Variants in KIF1A observed in about 807,000 individuals in gnomAD.
KIF1A encodes kinesin-like protein KIF1A.
In KIF1A, 46 loss-of-function variants were observed where a neutral mutation model predicts 227.3. That is an observed-to-expected ratio of 0.20 (90% CI 0.16 to 0.26). The LOEUF (loss-of-function observed/expected upper bound fraction) is 0.26. Among genes scored for constraint, KIF1A ranks in the 10% least tolerant of loss-of-function variants. The pLI, the probability that KIF1A is intolerant of heterozygous loss-of-function variation, is 1.00. For synonymous variants in KIF1A, 1,022 were observed against 1,012.8 expected, an observed-to-expected ratio of 1.01 and a Z score of -0.17; for missense variants, 1,683 against 2,485.9, an observed-to-expected ratio of 0.68 and a Z score of 6.87.
intron 38 of KIF1A, among the ~76,000 whole-genome samples, chr2:240,727,207 C>T (rs558778682): frequency 5.9e-4 from 90 of 152,152 alleles, no homozygotes; most frequent in Non-Finnish European, 1.1e-3. Flanking sequence ...AGCTGTCACG[C>T]TGAGGCTGGA....
At chr2:240,801,906 C>T (rs2057005604) in intron 1 of KIF1A, among the ~76,000 whole-genome samples, 1 of 152,066 alleles carries the variant, frequency 6.6e-6, no homozygotes. Context: ...CTGGAATGGA[C>T]CAAAACAGGG....
chr2:240,726,772 C>T lies in KIF1A; in HGVS notation c.4122+54G>A. 9.0e-7 allele frequency: 1 copy of T among 1,110,420 alleles called. No individual in the cohort carries two copies. Among genetic ancestry groups the T allele is most frequent in the Admixed American group, 1.9e-5 (1 of 51,486 alleles). The allele number at this position is 1,110,420 out of a possible 1,614,324, so 68.8% of individuals were successfully genotyped here. A position where few individuals can be genotyped will look rare whatever the true frequency, so the allele number is the denominator to read the frequency against. On this transcript the variant is annotated intron_variant, in intron 39 of 48. Coordinates refer to ENST00000498729, the MANE Select transcript of KIF1A (RefSeq NM_001244008.2). The surrounding 1 kb of genome is among the most constrained non-coding windows in gnomAD (Gnocchi z 5.2). The stretch of plus-strand genomic sequence containing the variant: ...GGTTGTCCAGAGCTTACAAGAACCT[C>T]AAGCTTCAGGGGCTGAGTGGTTTTG...
chr2:240,803,972 A>G (rs1334167086), intron 1 of KIF1A, among the ~76,000 whole-genome samples: 1 of 152,252 alleles, frequency 6.6e-6, no homozygotes, highest in East Asian at 1.9e-4. Flanking sequence ...ATTAAAATTA[A>G]TATTTCCTGC....
chr2:240,718,284 A>T (rs1391373891), intron 47 of KIF1A, 116 bp from the exon 48 acceptor site: 21 of 759,798 alleles, frequency 2.8e-5, no homozygotes, highest in Non-Finnish European at 3.0e-5. Context: ...AGTCCCAGGG[A>T]GGGGACACGG....
At chr2:240,754,291 C>T (rs2049572444) in intron 27 of KIF1A, among the ~76,000 whole-genome samples, 2 of 152,238 alleles carry the variant, frequency 1.3e-5, no homozygotes, top group Admixed American at 1.3e-4. Flanking sequence ...CCTCATGGCA[C>T]TGACCTCGGG....
chr2:240,742,168 G>A (rs2048053130), intron 34 of KIF1A, among the ~76,000 whole-genome samples: 7 of 152,192 alleles, frequency 4.6e-5, no homozygotes, highest in Admixed American at 4.6e-4. Context: ...GGGTTCCGAG[G>A]ACAGGGTCCT....
chr2:240,757,417 C>A lies in KIF1A; in HGVS notation c.2760G>T (p.Glu920Asp), dbSNP rs567456747. Residue 920 changes from glutamate to aspartate, a missense_variant, in exon 27 of 49, where the codon GAG (glutamate) becomes GAT (aspartate). By Grantham distance (45) the Glu-to-Asp change is conservative (BLOSUM62 2). This residue lies in a region of KIF1A where 759 missense variants were observed against 1,020.2 expected (regional missense o/e 0.74). Transcript: ENST00000498729. The surrounding 1 kb of genome is among the most constrained non-coding windows in gnomAD (Gnocchi z 6.2). ...AGACGTCGTCCTCCAGGTCCTCCTC[C>A]TCCTCATCCTCCTCCTCCTCCTCCT... ...EEEEEEEEDE[E>D]EEDLEDDVFP... 3.3e-6 allele frequency: 5 copies of A among 1,521,090 alleles called. No individual in the cohort carries two copies. The South Asian group carries it at 3.6e-5, about 11-fold the overall frequency. The allele number at this position is 1,521,090 out of a possible 1,614,324, so 94.2% of individuals were successfully genotyped here.
chr2:240,795,601 C>T (rs1460087770), intron 2 of KIF1A, among the ~76,000 whole-genome samples: 2 of 152,220 alleles, frequency 1.3e-5, no homozygotes, highest in Admixed American at 1.3e-4. Context: ...GTGTCGAGGT[C>T]TTGGCAACGC....
At chr2:240,762,938 G>T in intron 22 of KIF1A, 81 bp downstream of exon 22, 1 of 1,370,376 alleles carries the variant, frequency 7.3e-7, no homozygotes, top group Non-Finnish European at 9.8e-7. Flanking sequence ...AGGCAAGCAG[G>T]GAGGAGTGGG....
In KIF1A at chr2:240,797,803, G is replaced by A. The variant is rs2056569515; in HGVS notation, c.-51C>T. On this transcript the variant is annotated 5_prime_UTR_variant, in exon 2 of 49. Transcript: ENST00000498729. ...TCGCAGTAGTGGGAGCCCCAGTGTG[G>A]GGGGAACACCTTGGAAAAAAGGGAA... is the stretch of plus-strand genomic sequence containing the variant. 1.7e-6 allele frequency: 2 copies of A among 1,165,678 alleles called. No homozygotes were observed. Among genetic ancestry groups the A allele is most frequent in the African/African-American group, 3.0e-5 (2 of 66,076 alleles). 72.2% of individuals were successfully genotyped at this position (1,165,678 alleles called of 1,614,324 possible).
chr2:240,721,519 C>G (rs2045383743), intron 44 of KIF1A, among the ~76,000 whole-genome samples: 1 of 152,168 alleles, frequency 6.6e-6, no homozygotes, highest in Non-Finnish European at 1.5e-5. Context: ...AGGGTGATGG[C>G]CAGACAGGGT....
Position 240,788,430 on chromosome 2 carries a change from A to G in KIF1A, c.184-200T>C, listed in dbSNP as rs2055220403. ...AAGCCCTCTGTGTCACAGATGCGGG[A>G]TGAAGAGCGGCCAGCCAGGCAGGAG... On this transcript the variant is annotated intron_variant, in intron 3 of 48. Coordinates refer to ENST00000498729, the MANE Select transcript of KIF1A (RefSeq NM_001244008.2). This position sits in a 1 kb window ranked among gnomAD's most constrained non-coding sequence, Gnocchi z 6.6. Among the ~76,000 whole-genome samples, 1 of 152,094 alleles carries G rather than the reference A, an allele frequency of 6.6e-6. No homozygotes were observed. Among genetic ancestry groups the G allele is most frequent in the African/African-American group, 2.4e-5 (1 of 41,408 alleles).
chr2:240,765,463 C>T (rs1046845523), intron 20 of KIF1A, among the ~76,000 whole-genome samples: 2 of 152,252 alleles, frequency 1.3e-5, no homozygotes, highest in Non-Finnish European at 2.9e-5. Context: ...GCCCACAGCA[C>T]GGACTCAGTG....
chr2:240,729,604 A>G (rs891896353), intron 38 of KIF1A, among the ~76,000 whole-genome samples: 1 of 152,224 alleles, frequency 6.6e-6, no homozygotes, highest in East Asian at 1.9e-4. Flanking sequence ...TGCTGGAGCC[A>G]GGCCTGGAGC....
At position 240,741,458 on chromosome 2, in the gene KIF1A, C is replaced by T. The variant is rs571622491; in HGVS notation, c.3641-81G>A. The T allele has an allele frequency of 6.5e-4, 743 of 1,140,126 alleles. 1 individual carries two copies. The highest frequency in any genetic ancestry group is 1.3e-3 in the Admixed American group (46 of 36,588). 70.6% of individuals were successfully genotyped at this position (1,140,126 alleles called of 1,614,324 possible). A position where few individuals can be genotyped will look rare whatever the true frequency, so the allele number is the denominator to read the frequency against. Reference sequence around the variant, plus strand: ...AAGGGCACACTCAAGGAGGAGATGCCGGGGCCAAAGGGACTCAGAGGCAGC... The same window carrying T: ...AAGGGCACACTCAAGGAGGAGATGCTGGGGCCAAAGGGACTCAGAGGCAGC... On this transcript the variant is annotated intron_variant, in intron 34 of 48. Coordinates refer to ENST00000498729, the MANE Select transcript of KIF1A (RefSeq NM_001244008.2).
intron 1 of KIF1A, among the ~76,000 whole-genome samples, chr2:240,807,104 GTGTGTGTGTGTGTGTGTGTGTGTGTGTA>G (rs1559545262): frequency 9.9e-6 from 1 of 101,506 alleles, no homozygotes; most frequent in Non-Finnish European, 2.0e-5. Context: ...GTGTGTGTGT[GTGTGTGTGTGTGTGTGTGTGTGTGTGTA>G]TATATATATA....
In KIF1A at chr2:240,722,361, C is replaced by T. The variant is rs551951066; in HGVS notation, c.4665+95G>A. 3.9e-5 allele frequency: 48 copies of T among 1,239,624 alleles called. No individual in the cohort carries two copies. In the African/African-American group the frequency reaches 6.6e-4, roughly 17 times the overall value. The allele number at this position is 1,239,624 out of a possible 1,614,324, so 76.8% of individuals were successfully genotyped here. Reference sequence around the variant, plus strand: ...TCCTGGTGGTGCTAACCAGAGCAGCCATGGGCAAGGCCGGGTTGCTGGAGT... The same window carrying T: ...TCCTGGTGGTGCTAACCAGAGCAGCTATGGGCAAGGCCGGGTTGCTGGAGT... On this transcript the variant is annotated intron_variant, in intron 43 of 48. Coordinates refer to ENST00000498729, the MANE Select transcript of KIF1A (RefSeq NM_001244008.2).
chr2:240,785,154 G>A (rs2054567076), intron 6 of KIF1A, 54 bp from the exon 7 acceptor site: 1 of 1,432,494 alleles, frequency 7.0e-7, no homozygotes, highest in African/African-American at 1.4e-5. Context: ...CCGGGTGCGA[G>A]ATCGCCGGTG....
chr2:240,748,255 A>G (rs1286381142), intron 28 of KIF1A, among the ~76,000 whole-genome samples: 1 of 152,168 alleles, frequency 6.6e-6, no homozygotes, highest in Non-Finnish European at 1.5e-5. Context: ...GGCGACACTC[A>G]TCTGAGAGGT....
Sources: allele counts gnomAD v4.1 joint callset (sites outside exome capture counted in the v4.1 genomes callset), GRCh38; gene constraint gnomAD v4.1.1; regional missense constraint gnomAD v4.1.1; non-coding constraint Gnocchi (gnomAD v3.1); transcripts MANE v1.5; gene names NCBI Gene and HGNC (gene_info 2026-07-23, HGNC 2026-07-21).